The following VSNL1 variants were observed in gnomAD, a reference collection of about 807,000 sequenced individuals.
The protein encoded by VSNL1 is visinin-like protein 1.
VSNL1 carries 6 observed loss-of-function variants against 20.4 expected under a neutral mutation model. That is an observed-to-expected ratio of 0.29 (90% CI 0.16 to 0.58). The LOEUF (loss-of-function observed/expected upper bound fraction) is 0.58. Ranked by LOEUF, VSNL1 falls within the 20% of genes least tolerant of loss-of-function variation. VSNL1 has a pLI of 0.90. For missense variants in VSNL1, 100 were observed against 234.5 expected (o/e 0.43, Z 3.75); for synonymous variants, 93 against 86.4 (o/e 1.08, Z -0.42).
intron 2 of VSNL1, among the ~76,000 whole-genome samples, chr2:17,641,544 C>T (rs1665882760): frequency 6.6e-6 from 1 of 152,184 alleles, no homozygotes; most frequent in Non-Finnish European, 1.5e-5. Flanking sequence ...CTAGAATAAT[C>T]CCCTACCCAA....
intron 1 of VSNL1, among the ~76,000 whole-genome samples, chr2:17,550,978 C>G (rs1197947120): frequency 2.6e-5 from 4 of 152,186 alleles, no homozygotes; most frequent in African/African-American, 9.6e-5. Context: ...TGATACATGT[C>G]TAAGTCCCCT....
chr2:17,570,206 A>G lies in VSNL1; in HGVS notation c.-5-21864A>G, dbSNP rs569376715. 8.7e-4 allele frequency among the ~76,000 whole-genome samples: 133 copies of G among 152,322 alleles called. 1 individual carries two copies. The highest frequency in any genetic ancestry group is 6.0e-4 in the Non-Finnish European group (41 of 68,020). Reference sequence around the variant, plus strand: ...AAGGGGGACATTGTTCACAAAATAAACAAAGCTTTTTAGTTTTTGCTGTGT... The same window carrying G: ...AAGGGGGACATTGTTCACAAAATAAGCAAAGCTTTTTAGTTTTTGCTGTGT... On this transcript the variant is annotated intron_variant, in intron 1 of 3. Coordinates refer to ENST00000295156, the MANE Select transcript of VSNL1 (RefSeq NM_003385.5).
chr2:17,561,526 C>T (rs145371547), intron 1 of VSNL1, among the ~76,000 whole-genome samples: 156 of 152,280 alleles, frequency 1.0e-3, no homozygotes, highest in African/African-American at 3.5e-3. Flanking sequence ...CAATTTTACT[C>T]CATCTTAAGA....
At chr2:17,567,192 A>C (rs532783778) in intron 1 of VSNL1, among the ~76,000 whole-genome samples, 2 of 152,142 alleles carry the variant, frequency 1.3e-5, no homozygotes, top group Non-Finnish European at 2.9e-5. Context: ...GATGCATTAT[A>C]AGATGATTTG....
chr2:17,585,362 T>C (rs956783612), intron 1 of VSNL1, among the ~76,000 whole-genome samples: 5 of 148,844 alleles, frequency 3.4e-5, no homozygotes, highest in African/African-American at 1.3e-4. Context: ...AGGCATAGTG[T>C]CAGATATTTG....
chr2:17,623,648 C>T lies in VSNL1; in HGVS notation c.163-25762C>T, dbSNP rs929819430. The stretch of plus-strand genomic sequence containing the variant: ...TCATGCCACTGCACTGCAGCCTGGG[C>T]GACAGAGTGAGACTCCATCTCAAAA... On this transcript the variant is annotated intron_variant, in intron 2 of 3. Coordinates refer to ENST00000295156, the MANE Select transcript of VSNL1 (RefSeq NM_003385.5). 8.4e-5 allele frequency among the ~76,000 whole-genome samples: 10 copies of T among 119,168 alleles called. No homozygotes were observed. The East Asian group carries it at 1.2e-3, about 14-fold the overall frequency. The allele number at this position is 119,168 out of a possible 152,430, so 78.2% of individuals were successfully genotyped here.
intron 2 of VSNL1, among the ~76,000 whole-genome samples, chr2:17,593,934 G>A (rs902726838): frequency 3.9e-5 from 6 of 152,146 alleles, no homozygotes; most frequent in African/African-American, 1.4e-4. Flanking sequence ...GACAAACAAG[G>A]TTTTTCAAAG....
chr2:17,586,089 A>T lies in VSNL1; in HGVS notation c.-5-5981A>T, dbSNP rs556005970. 9.9e-5 allele frequency among the ~76,000 whole-genome samples: 15 copies of T among 152,248 alleles called. No homozygotes were observed. In the East Asian group the frequency reaches 2.5e-3, roughly 26 times the overall value. On this transcript the variant is annotated intron_variant, in intron 1 of 3. Transcript: ENST00000295156. ...CTCCCAAAGCGCTGGGATTACAGGC[A>T]TAAGCCACTGCACCCGGCCAATTTT...
chr2:17,634,315 G>T lies in VSNL1; in HGVS notation c.163-15095G>T, dbSNP rs1665704667. ...CTTGATTCTTAATAATTTTTAAAGA[G>T]GAAGCCCTACATTTTCCTTTTGCAC... On this transcript the variant is annotated intron_variant, in intron 2 of 3. Transcript: ENST00000295156. The surrounding 1 kb of genome is among the most constrained non-coding windows in gnomAD (Gnocchi z 4.3). Among the ~76,000 whole-genome samples the T allele has an allele frequency of 6.6e-6, 1 of 152,160 alleles. No individual in the cohort carries two copies. The highest frequency in any genetic ancestry group is 2.4e-5 in the African/African-American group (1 of 41,434).
At chr2:17,558,768 A>G (rs1452910174) in intron 1 of VSNL1, among the ~76,000 whole-genome samples, 1 of 152,182 alleles carries the variant, frequency 6.6e-6, no homozygotes, top group East Asian at 1.9e-4. Flanking sequence ...TCTGATATCA[A>G]ACATCTATGA....
At chr2:17,570,494 C>T (rs1664054474) in intron 1 of VSNL1, among the ~76,000 whole-genome samples, 1 of 152,140 alleles carries the variant, frequency 6.6e-6, no homozygotes, top group African/African-American at 2.4e-5. Context: ...CAGGATTTTT[C>T]TGAGTGTGAG....
chr2:17,553,086 G>C (rs1434638182), intron 1 of VSNL1, among the ~76,000 whole-genome samples: 2 of 152,150 alleles, frequency 1.3e-5, no homozygotes, highest in Non-Finnish European at 2.9e-5. Context: ...GAGAGAACAA[G>C]AGGGAGGGAG....
chr2:17,556,421 A>G (rs906553853), intron 1 of VSNL1, among the ~76,000 whole-genome samples: 1 of 152,222 alleles, frequency 6.6e-6, no homozygotes, highest in African/African-American at 2.4e-5. Context: ...AGACATCATG[A>G]TAGAAGGAAA....
At position 17,656,689 on chromosome 2, in the gene VSNL1, T is replaced by C. The variant is rs917169521; in HGVS notation, c.*1295T>C. ...AAAGCAGGTTTGCATTTTCAGAACA[T>C]GCCCCCCTAGAGAGTTGAGTTTTTT... On this transcript the variant is annotated 3_prime_UTR_variant, in exon 4 of 4. Transcript: ENST00000295156. 2 of 152,216 alleles carry C rather than the reference T, an allele frequency of 1.3e-5. No homozygotes were observed. The allele number at this position is 152,216 out of a possible 1,614,324, so 9.4% of individuals were successfully genotyped here.
At chr2:17,571,357 G>C (rs1381087308) in intron 1 of VSNL1, among the ~76,000 whole-genome samples, 1 of 152,038 alleles carries the variant, frequency 6.6e-6, no homozygotes, top group Admixed American at 6.6e-5. Flanking sequence ...TCTTCCTTGA[G>C]GTTGCTAATA....
chr2:17,572,336 G>C, intron 1 of VSNL1, among the ~76,000 whole-genome samples: 1 of 152,240 alleles, frequency 6.6e-6, no homozygotes, highest in Admixed American at 6.5e-5. Flanking sequence ...ACATTTGTCT[G>C]GCGCATGCAG....
chr2:17,617,445 A>T (rs1026394050), intron 2 of VSNL1, among the ~76,000 whole-genome samples: 1 of 152,082 alleles, frequency 6.6e-6, no homozygotes, highest in Non-Finnish European at 1.5e-5. Context: ...GTAGTGAGCC[A>T]TGATCATGCC....
intron 2 of VSNL1, among the ~76,000 whole-genome samples, chr2:17,632,176 G>T (rs1224976334): frequency 1.3e-5 from 2 of 152,118 alleles, no homozygotes; most frequent in Admixed American, 1.3e-4. Flanking sequence ...GCCAGGTAAG[G>T]TTTTTTGTAT....
intron 1 of VSNL1, among the ~76,000 whole-genome samples, chr2:17,577,678 C>G (rs941608061): frequency 6.6e-6 from 1 of 152,124 alleles, no homozygotes; most frequent in Non-Finnish European, 1.5e-5. Context: ...CCCTGGGGAC[C>G]AGGGGCAGGC....
Sources: gnomAD v4.1 joint callset for allele counts (sites outside exome capture counted in the v4.1 genomes callset) on GRCh38, gnomAD v4.1.1 for gene constraint, Gnocchi (gnomAD v3.1) non-coding constraint, MANE v1.5 for transcripts, NCBI Gene and HGNC (gene_info 2026-07-23, HGNC 2026-07-21) for gene names.